CCDC7: variants seen among roughly 807,000 people sequenced by gnomAD.
CCDC7 encodes the protein coiled-coil domain-containing protein 7.
CCDC7 carries 183 observed loss-of-function variants against 196.9 expected under a neutral mutation model. The observed-to-expected ratio is 0.93, with a 90% CI of 0.82 to 1.05. The LOEUF is 1.05. Ranked by LOEUF, CCDC7 falls within the 50% of genes least tolerant of loss-of-function variation. The pLI is 0.00. For missense variants in CCDC7, 1,540 were observed against 1,482.2 expected, an observed-to-expected ratio of 1.04 and a Z score of -0.64; for synonymous variants, 525 against 484.6, an observed-to-expected ratio of 1.08 and a Z score of -1.10.
At chr10:32,711,629 A>C (rs1309204436) in exon 25 of CCDC7, 1 of 1,582,574 alleles carries the variant, frequency 6.3e-7, no homozygotes, top group East Asian at 2.3e-5. Context: ...GCTCATGATG[A>C]AGAATCAGGT....
At chr10:32,564,938 C>T (rs991887427) in intron 13 of CCDC7, among the ~76,000 whole-genome samples, 1 of 152,150 alleles carries the variant, frequency 6.6e-6, no homozygotes, top group Admixed American at 6.6e-5. Context: ...GAACCCACTG[C>T]TGCACTCTAG....
chr10:32,839,585 G>A (rs1266039835), intron 33 of CCDC7, among the ~76,000 whole-genome samples: 1 of 151,942 alleles, frequency 6.6e-6, no homozygotes, highest in Non-Finnish European at 1.5e-5. Context: ...GACAGCACTA[G>A]ACAAATCATC....
chr10:32,710,085 CT>C, intron 24 of CCDC7, among the ~76,000 whole-genome samples: 1 of 152,302 alleles, frequency 6.6e-6, no homozygotes, highest in African/African-American at 2.4e-5. Flanking sequence ...TCTGACTTTG[CT>C]TATCCTCCTT....
At chr10:32,613,304 TTTCTC>T (rs778848617) in intron 18 of CCDC7, among the ~76,000 whole-genome samples, 7 of 152,024 alleles carry the variant, frequency 4.6e-5, no homozygotes, top group South Asian at 2.1e-4. Context: ...ATTTGATTCT[TTTCTC>T]TTCTTTATTA....
chr10:32,650,135 G>A (rs1313635301), intron 20 of CCDC7, among the ~76,000 whole-genome samples: 1 of 152,140 alleles, frequency 6.6e-6, no homozygotes, highest in Non-Finnish European at 1.5e-5. Flanking sequence ...CATCTGGGAG[G>A]ACTAGTATTC....
intron 9 of CCDC7, 106 bp downstream of exon 10, chr10:32,492,103 G>T: frequency 9.2e-7 from 1 of 1,087,892 alleles, no homozygotes; most frequent in Non-Finnish European, 1.2e-6. Flanking sequence ...AAGTTAGTAC[G>T]TGTTTATTGC....
chr10:32,573,869 A>T (rs2057878999), intron 16 of CCDC7, among the ~76,000 whole-genome samples: 1 of 152,200 alleles, frequency 6.6e-6, no homozygotes, highest in Non-Finnish European at 1.5e-5. Flanking sequence ...ATTATGGGAT[A>T]TAAAGGGCTT....
intron 9 of CCDC7, among the ~76,000 whole-genome samples, chr10:32,505,748 CT>C (rs2044854383): frequency 6.6e-6 from 1 of 152,112 alleles, no homozygotes; most frequent in Non-Finnish European, 1.5e-5. Context: ...AGAGGCGCTT[CT>C]CACTTCCCAG....
At chr10:32,842,098 A>G (rs924455208) in intron 33 of CCDC7, among the ~76,000 whole-genome samples, 31 of 152,100 alleles carry the variant, frequency 2.0e-4, no homozygotes, top group Admixed American at 4.6e-4. Context: ...AGATAAATAG[A>G]TGGGACTTAA....
intron 41 of CCDC7, among the ~76,000 whole-genome samples, chr10:32,857,270 G>A (rs2093789351): frequency 6.6e-6 from 1 of 152,056 alleles, no homozygotes; most frequent in Admixed American, 6.6e-5. Context: ...TTAGCAAATA[G>A]AACTTAATTA....
At chr10:32,876,277 A>G in intron 41 of CCDC7, 70 bp from the exon 43 acceptor site, 1 of 1,148,064 alleles carries the variant, frequency 8.7e-7, no homozygotes, top group South Asian at 1.3e-5. Flanking sequence ...GATATCATAT[A>G]CAATAAAAAT....
At chr10:32,453,675 A>G (rs1399084028) in intron 2 of CCDC7, among the ~76,000 whole-genome samples, 1 of 152,182 alleles carries the variant, frequency 6.6e-6, no homozygotes, top group African/African-American at 2.4e-5. Flanking sequence ...GGAATGACCA[A>G]CATTTTAAAG....
chr10:32,594,616 C>T (rs56706197), intron 18 of CCDC7, among the ~76,000 whole-genome samples: 2,663 of 151,326 alleles, frequency 0.018, 82 homozygotes, highest in African/African-American at 0.062. Context: ...GAGGACATCC[C>T]TGTTTTTTGC....
Position 32,477,385 on chromosome 10 carries a change from T to C in CCDC7, c.796+3362T>C, listed in dbSNP as rs533267905. ...GCCCGGCTAATTTTTGCATTTTTAG[T>C]AGAGATGGGGTTTCACCATGTTGGT... On this transcript the variant is annotated intron_variant, in intron 8 of 41. Transcript: ENST00000639629. Among the ~76,000 whole-genome samples, 39 of 152,152 alleles carry C rather than the reference T, an allele frequency of 2.6e-4. No individual in the cohort carries two copies. In the South Asian group the frequency reaches 8.1e-3, roughly 32 times the overall value.
intron 13 of CCDC7, among the ~76,000 whole-genome samples, chr10:32,560,370 T>A (rs1285919849): frequency 6.6e-6 from 1 of 151,986 alleles, no homozygotes; most frequent in African/African-American, 2.4e-5. Context: ...CACATAATTG[T>A]CAGATTCACC....
chr10:32,728,319 A>T (rs2083421441), intron 26 of CCDC7, among the ~76,000 whole-genome samples: 1 of 152,162 alleles, frequency 6.6e-6, no homozygotes, highest in Non-Finnish European at 1.5e-5. Context: ...CTTTGCTGGG[A>T]CATAGGCTGT....
chr10:32,708,357 C>T (rs1242733307), intron 24 of CCDC7, among the ~76,000 whole-genome samples: 1 of 152,134 alleles, frequency 6.6e-6, no homozygotes, highest in Non-Finnish European at 1.5e-5. Context: ...AGACCTAAAA[C>T]CATAAAAACC....
chr10:32,719,270 G>A (rs541527557), intron 25 of CCDC7, among the ~76,000 whole-genome samples: 2 of 152,244 alleles, frequency 1.3e-5, no homozygotes, highest in South Asian at 2.1e-4. Context: ...AACAAGCAAC[G>A]GAGAAAGGAT....
chr10:32,619,839 T>A (rs1003083772), intron 18 of CCDC7, among the ~76,000 whole-genome samples: 3 of 148,664 alleles, frequency 2.0e-5, no homozygotes, highest in Non-Finnish European at 4.4e-5. Context: ...TCTCAAGTGA[T>A]CCTCCCACCT....
Sources: allele counts gnomAD v4.1 joint callset (sites outside exome capture counted in the v4.1 genomes callset), GRCh38; gene constraint gnomAD v4.1.1; transcripts MANE v1.5; gene names NCBI Gene and HGNC (gene_info 2026-07-23, HGNC 2026-07-21).